SMYD3: variants seen among roughly 807,000 people sequenced by gnomAD.
The protein encoded by SMYD3 is histone-lysine N-methyltransferase SMYD3.
SMYD3 carries 36 observed loss-of-function variants against 57.7 expected under a neutral mutation model. The ratio of observed to expected loss-of-function variants is 0.62; its 90% CI spans 0.48 to 0.82. The LOEUF (loss-of-function observed/expected upper bound fraction) is 0.82. Among genes scored for constraint, SMYD3 ranks in the 40% least tolerant of loss-of-function variants. SMYD3 has a pLI of 0.00. For synonymous variants in SMYD3, 211 were observed against 195.0 expected, an observed-to-expected ratio of 1.08 and a Z score of -0.68; for missense variants, 515 against 538.8, an observed-to-expected ratio of 0.96 and a Z score of 0.44.
intron 5 of SMYD3, among the ~76,000 whole-genome samples, chr1:246,083,825 C>A (rs1318387443): frequency 2.0e-5 from 3 of 152,160 alleles, no homozygotes; most frequent in Non-Finnish European, 4.4e-5. Flanking sequence ...AAAACCCACA[C>A]AATACACACA....
intron 5 of SMYD3, among the ~76,000 whole-genome samples, chr1:245,957,035 G>A (rs2057866186): frequency 6.6e-6 from 1 of 152,182 alleles, no homozygotes; most frequent in Non-Finnish European, 1.5e-5. Flanking sequence ...CACTGCCAGT[G>A]AAGATGCAAT....
At chr1:246,002,885 G>T (rs1337581117) in intron 5 of SMYD3, among the ~76,000 whole-genome samples, 1 of 152,170 alleles carries the variant, frequency 6.6e-6, no homozygotes, top group Non-Finnish European at 1.5e-5. Flanking sequence ...AAAGTGCTGG[G>T]ATCACAGGCC....
rs56722969 is a variant in SMYD3 at position 246,116,201 on chromosome 1, GACAC to G, written c.532-186268_532-186265del. On this transcript the variant is annotated intron_variant, in intron 5 of 11. Transcript: ENST00000490107. Reference sequence around the variant, plus strand: ...CCTATACCTCAAGCACCCTGAGATGGACACACACACACACACACACACACACACA... The same window carrying G: ...CCTATACCTCAAGCACCCTGAGATGGACACACACACACACACACACACACA... 4.9e-3 allele frequency among the ~76,000 whole-genome samples: 720 copies of G among 146,002 alleles called. 3 individuals are homozygous for G. Among genetic ancestry groups the G allele is most frequent in the East Asian group, 0.013 (65 of 4,928 alleles).
chr1:246,506,978 G>GCCCCCCCCACCC, intron 1 of SMYD3, 76 bp downstream of exon 1: 6 of 1,174,516 alleles, frequency 5.1e-6, no homozygotes, highest in East Asian at 3.5e-5. Flanking sequence ...CGCGGCTGCC[G>GCCCCCCCCACCC]GCCGCCCGAC....
intron 5 of SMYD3, among the ~76,000 whole-genome samples, chr1:246,128,686 G>A (rs561881767): frequency 7.6e-4 from 115 of 152,236 alleles, no homozygotes; most frequent in African/African-American, 2.6e-3. Flanking sequence ...TTCCATACTC[G>A]CCACAACAGA....
chr1:245,977,028 CCAGGGAAAGCCA>C (rs1558551367), intron 5 of SMYD3, among the ~76,000 whole-genome samples: 1,238 of 106,392 alleles, frequency 0.012, 382 homozygotes, highest in African/African-American at 0.016. Flanking sequence ...CGTCTCTAGC[CCAGGGAAAGCCA>C]TCGTCTCCGG....
intron 5 of SMYD3, among the ~76,000 whole-genome samples, chr1:246,166,569 C>T (rs2878075): frequency 0.83 from 125,636 of 152,152 alleles, 52,383 homozygotes; most frequent in Admixed American, 0.87. Flanking sequence ...TTCTTAAAGG[C>T]TGTTGGTTCC....
intron 5 of SMYD3, among the ~76,000 whole-genome samples, chr1:246,285,178 T>C (rs548169879): frequency 4.8e-4 from 73 of 152,280 alleles, no homozygotes; most frequent in Non-Finnish European, 9.3e-4. Context: ...TGCACCCTCA[T>C]AGCTTAGCTC....
chr1:246,217,871 A>G (rs1231062057), intron 5 of SMYD3, among the ~76,000 whole-genome samples: 1 of 152,186 alleles, frequency 6.6e-6, no homozygotes, highest in Non-Finnish European at 1.5e-5. Flanking sequence ...ACAATTTGAC[A>G]TTATCTAGTG....
At chr1:246,003,116 A>C (rs1160130626) in intron 5 of SMYD3, among the ~76,000 whole-genome samples, 1 of 152,232 alleles carries the variant, frequency 6.6e-6, no homozygotes, top group Admixed American at 6.5e-5. Context: ...GAAGAGGCGG[A>C]GGGAAAGACG....
intron 5 of SMYD3, among the ~76,000 whole-genome samples, chr1:246,106,242 A>G (rs1435837828): frequency 6.6e-6 from 1 of 152,226 alleles, no homozygotes; most frequent in East Asian, 1.9e-4. Context: ...CCTTTGCAAC[A>G]GGAGAATCCT....
chr1:246,207,250 G>A (rs578232258), intron 5 of SMYD3, among the ~76,000 whole-genome samples: 2 of 151,978 alleles, frequency 1.3e-5, no homozygotes, highest in Admixed American at 6.6e-5. Context: ...TCATTCATAT[G>A]TTTACTCCTG....
At chr1:246,107,101 C>CATCGTGGCTAAA (rs779661159) in intron 5 of SMYD3, among the ~76,000 whole-genome samples, 1 of 117,994 alleles carries the variant, frequency 8.5e-6, no homozygotes, top group Non-Finnish European at 1.7e-5. Context: ...AGATCGAGAC[C>CATCGTGGCTAAA]ACGGTGAAAC....
chr1:246,055,782 T>C (rs2060141050), intron 5 of SMYD3, among the ~76,000 whole-genome samples: 3 of 152,200 alleles, frequency 2.0e-5, no homozygotes, highest in Admixed American at 1.3e-4. Context: ...CGATTCAACC[T>C]ATAGAAGTAC....
intron 5 of SMYD3, among the ~76,000 whole-genome samples, chr1:246,123,239 C>A (rs2061450585): frequency 6.6e-6 from 1 of 152,174 alleles, no homozygotes; most frequent in Admixed American, 6.5e-5. Flanking sequence ...AGGTGATAAT[C>A]TAAACGGAAG....
At chr1:246,249,885 T>C (rs369907720) in intron 5 of SMYD3, among the ~76,000 whole-genome samples, 3 of 152,226 alleles carry the variant, frequency 2.0e-5, no homozygotes, top group Non-Finnish European at 2.9e-5. Flanking sequence ...ACTGTTTATA[T>C]TAAACTTTAT....
intron 11 of SMYD3, among the ~76,000 whole-genome samples, chr1:245,762,661 C>G (rs1249110096): frequency 1.3e-5 from 2 of 152,242 alleles, no homozygotes; most frequent in Admixed American, 6.5e-5. Flanking sequence ...TGGCCACACG[C>G]TGACTTTATT....
intron 10 of SMYD3, among the ~76,000 whole-genome samples, chr1:245,786,773 C>A (rs1038837416): frequency 3.3e-4 from 50 of 151,636 alleles, no homozygotes; most frequent in Non-Finnish European, 3.8e-4. Flanking sequence ...ATGGTTGTTT[C>A]ACATAGAAAA....
chr1:246,053,017 G>C (rs966874956), intron 5 of SMYD3: 1 of 152,330 alleles, frequency 6.6e-6, no homozygotes, highest in African/African-American at 2.4e-5. Context: ...CAGGAAGATC[G>C]CTTGATACCA....
Sources: gnomAD v4.1 joint callset for allele counts (sites outside exome capture counted in the v4.1 genomes callset) on GRCh38, gnomAD v4.1.1 for gene constraint, MANE v1.5 for transcripts, NCBI Gene and HGNC (gene_info 2026-07-23, HGNC 2026-07-21) for gene names.